Variants in GRIK4 observed in about 807,000 individuals in gnomAD.
GRIK4 encodes glutamate receptor ionotropic, kainate 4.
Under a neutral mutation model 104.9 loss-of-function variants are expected in GRIK4, and 40 were observed. The observed-to-expected ratio is 0.38, with a 90% CI of 0.30 to 0.50. The LOEUF is 0.50. Ranked by LOEUF, GRIK4 falls within the 20% of genes least tolerant of loss-of-function variation. The pLI is 0.93. For missense variants in GRIK4, 1,047 were observed against 1,308.1 expected (o/e 0.80, Z 3.08); for synonymous variants, 485 against 524.9 (o/e 0.92, Z 1.04).
intron 8 of GRIK4, among the ~76,000 whole-genome samples, chr11:120,851,693 T>C (rs558852401): frequency 1.3e-5 from 2 of 152,216 alleles, no homozygotes; most frequent in South Asian, 4.2e-4. Context: ...GTTATGCATA[T>C]CCCTGCCCCT....
chr11:120,600,872 G>A (rs1250036022), intron 1 of GRIK4, among the ~76,000 whole-genome samples: 2 of 151,890 alleles, frequency 1.3e-5, no homozygotes, highest in African/African-American at 4.8e-5. Flanking sequence ...AGACCAGCCT[G>A]GGCAACATAC....
chr11:120,575,233 G>A (rs939915124), intron 1 of GRIK4, among the ~76,000 whole-genome samples: 2 of 152,178 alleles, frequency 1.3e-5, no homozygotes, highest in Non-Finnish European at 1.5e-5. Context: ...ATTCTGAAGA[G>A]CACACGTTTT....
intron 11 of GRIK4, among the ~76,000 whole-genome samples, chr11:120,891,683 C>T (rs933646496): frequency 1.3e-5 from 2 of 152,192 alleles, no homozygotes; most frequent in African/African-American, 2.4e-5. Context: ...GATCCCTACT[C>T]TCATGAAGCT....
intron 1 of GRIK4, among the ~76,000 whole-genome samples, chr11:120,644,374 A>G (rs777237217): frequency 2.0e-5 from 3 of 152,224 alleles, no homozygotes; most frequent in Non-Finnish European, 2.9e-5. Flanking sequence ...ACTATGTGCC[A>G]GCTACTGTGT....
chr11:120,829,653 A>G (rs1591966091), intron 6 of GRIK4, among the ~76,000 whole-genome samples: 1 of 152,182 alleles, frequency 6.6e-6, no homozygotes, highest in East Asian at 1.9e-4. Flanking sequence ...CAGGAGTAAC[A>G]TGGAGACCGT....
At position 120,714,766 on chromosome 11, in the gene GRIK4, T is replaced by C. The variant is rs1331233777; in HGVS notation, c.82+54366T>C. Among the ~76,000 whole-genome samples, 4 of 152,216 alleles carry C rather than the reference T, an allele frequency of 2.6e-5. No homozygotes were observed. In the East Asian group the frequency reaches 7.7e-4, roughly 29 times the overall value. Reference sequence around the variant, plus strand: ...TCAGGGCCTGAGTCAAGAGAGAATATGATTCTTTTTGAAATGTAGGGAGAG... The same window carrying C: ...TCAGGGCCTGAGTCAAGAGAGAATACGATTCTTTTTGAAATGTAGGGAGAG... On this transcript the variant is annotated intron_variant, in intron 3 of 20. Transcript: ENST00000527524.
In GRIK4 at chr11:120,635,302, C is replaced by T. The variant is rs1949384322; in HGVS notation, c.-158-18383C>T. ...CCCAAGGTGCACTGAGTCAGCTATGCAAATTGAGAGGCGTAGGTCAGAGTC... is the reference window on the plus strand; with the variant it reads ...CCCAAGGTGCACTGAGTCAGCTATGTAAATTGAGAGGCGTAGGTCAGAGTC... On this transcript the variant is annotated intron_variant, in intron 1 of 20. Coordinates refer to ENST00000527524, the MANE Select transcript of GRIK4 (RefSeq NM_014619.5). Among the ~76,000 whole-genome samples, 2 of 152,206 alleles carry T rather than the reference C, an allele frequency of 1.3e-5. 1 individual carries two copies. The highest frequency in any genetic ancestry group is 4.1e-4 in the South Asian group (2 of 4,830).
intron 3 of GRIK4, among the ~76,000 whole-genome samples, chr11:120,695,011 G>A (rs993246333): frequency 6.6e-6 from 1 of 152,116 alleles, no homozygotes; most frequent in African/African-American, 2.4e-5. Flanking sequence ...ATTAAAAAAA[G>A]AATCCCGAGC....
At chr11:120,864,454 AG>A (rs1954349614) in intron 9 of GRIK4, among the ~76,000 whole-genome samples, 2 of 151,904 alleles carry the variant, frequency 1.3e-5, no homozygotes, top group South Asian at 2.1e-4. Context: ...GTTAGCCAGG[AG>A]TGTCTCGATC....
At position 120,905,995 on chromosome 11, in the gene GRIK4, T is replaced by G. The variant is rs1398721652; in HGVS notation, c.1476+502T>G. 6.6e-6 allele frequency among the ~76,000 whole-genome samples: 1 copy of G among 152,186 alleles called. No homozygotes were observed. The highest frequency in any genetic ancestry group is 1.5e-5 in the Non-Finnish European group (1 of 68,024). Reference sequence around the variant, plus strand: ...AGTTATTTTCGTACATCTTGTGTTATCTTTGGTTAGCGTTAATGTCCTTTT... The same window carrying G: ...AGTTATTTTCGTACATCTTGTGTTAGCTTTGGTTAGCGTTAATGTCCTTTT... On this transcript the variant is annotated intron_variant, in intron 13 of 20. Coordinates refer to ENST00000527524, the MANE Select transcript of GRIK4 (RefSeq NM_014619.5). This position sits in a 1 kb window ranked among gnomAD's most constrained non-coding sequence, Gnocchi z 5.1.
At chr11:120,876,795 A>C (rs1179109311) in intron 11 of GRIK4, among the ~76,000 whole-genome samples, 1 of 152,172 alleles carries the variant, frequency 6.6e-6, no homozygotes, top group East Asian at 1.9e-4. Context: ...CAATAAAAAC[A>C]CAGATTTTTA....
chr11:120,542,895 G>A lies in GRIK4; in HGVS notation c.-159+31008G>A, dbSNP rs1456022731. ...GGAAACTGAAGACCTAGGGGAAGGG[G>A]AAACTGAGGCATGTTGAGCACAGCC... On this transcript the variant is annotated intron_variant, in intron 1 of 20. Coordinates refer to ENST00000527524, the MANE Select transcript of GRIK4 (RefSeq NM_014619.5). Among the ~76,000 whole-genome samples the A allele has an allele frequency of 2.0e-5, 3 of 152,268 alleles. No homozygotes were observed. In the East Asian group the frequency reaches 5.8e-4, roughly 29 times the overall value.
intron 3 of GRIK4, among the ~76,000 whole-genome samples, chr11:120,708,599 C>G (rs561131384): frequency 6.6e-6 from 1 of 152,282 alleles, no homozygotes; most frequent in East Asian, 1.9e-4. Flanking sequence ...TGCCCCCAGC[C>G]TGGTGCTCTC....
intron 11 of GRIK4, among the ~76,000 whole-genome samples, chr11:120,898,184 T>G (rs1255622158): frequency 1.3e-5 from 2 of 152,214 alleles, no homozygotes; most frequent in Non-Finnish European, 2.9e-5. Context: ...TCAAAAGAAC[T>G]CCGCAGCCCA....
intron 3 of GRIK4, among the ~76,000 whole-genome samples, chr11:120,778,307 C>T (rs1952083151): frequency 6.6e-6 from 1 of 152,162 alleles, no homozygotes; most frequent in Admixed American, 6.5e-5. Context: ...GATCGGGACT[C>T]TAACAAACTT....
chr11:120,636,363 A>G (rs562404233), intron 1 of GRIK4, among the ~76,000 whole-genome samples: 1 of 152,334 alleles, frequency 6.6e-6, no homozygotes, highest in African/African-American at 2.4e-5. Context: ...GGAAAGATGA[A>G]TAGTGATATT....
At chr11:120,985,228 CTT>C (rs1944721530) in intron 20 of GRIK4, among the ~76,000 whole-genome samples, 1 of 152,192 alleles carries the variant, frequency 6.6e-6, no homozygotes. Flanking sequence ...GGCGGCGTGG[CTT>C]GGCTGATGTT....
At position 120,782,654 on chromosome 11, in the gene GRIK4, C is replaced by T. The variant is rs59076824; in HGVS notation, c.83-20039C>T. 3.9e-3 allele frequency among the ~76,000 whole-genome samples: 597 copies of T among 152,194 alleles called. 10 individuals carry two copies. The East Asian group carries it at 0.06, about 15-fold the overall frequency. On this transcript the variant is annotated intron_variant, in intron 3 of 20. Coordinates refer to ENST00000527524, the MANE Select transcript of GRIK4 (RefSeq NM_014619.5). Reference sequence around the variant, plus strand: ...GTTGTTCTGAATAGTGAAGCAGCCCCGTCAAAGGGTGCCTTCTGTGGAGAT... The same window carrying T: ...GTTGTTCTGAATAGTGAAGCAGCCCTGTCAAAGGGTGCCTTCTGTGGAGAT...
chr11:120,838,067 G>A (rs1953621906), intron 8 of GRIK4, among the ~76,000 whole-genome samples: 1 of 152,156 alleles, frequency 6.6e-6, no homozygotes, highest in Non-Finnish European at 1.5e-5. Context: ...GGAATGAGGT[G>A]GAGTTGCTTG....
Sources: allele counts gnomAD v4.1 joint callset (sites outside exome capture counted in the v4.1 genomes callset), GRCh38; gene constraint gnomAD v4.1.1; non-coding constraint Gnocchi (gnomAD v3.1); transcripts MANE v1.5; gene names NCBI Gene and HGNC (gene_info 2026-07-23, HGNC 2026-07-21).